The following CLASRP variants were observed in gnomAD, a reference collection of about 807,000 sequenced individuals.
The protein encoded by CLASRP is CLK4-associating serine/arginine rich protein.
In CLASRP, 52 loss-of-function variants were observed where a neutral mutation model predicts 99.9. The ratio of observed to expected loss-of-function variants is 0.52; its 90% CI spans 0.42 to 0.66. The LOEUF is 0.66. CLASRP is among the 30% of genes least tolerant of loss of function. The pLI, the probability that CLASRP is intolerant of heterozygous loss-of-function variation, is 0.00. For synonymous variants in CLASRP, 379 were observed against 373.0 expected, an observed-to-expected ratio of 1.02 and a Z score of -0.18; for missense variants, 848 against 999.2, an observed-to-expected ratio of 0.85 and a Z score of 2.04.
At chr19:45,063,945 T>C in intron 11 of CLASRP, 67 bp from the exon 12 acceptor site, 1 of 1,513,866 alleles carries the variant, frequency 6.6e-7, no homozygotes, top group Admixed American at 2.1e-5. Context: ...GTTGATCTGC[T>C]GTGTGTGCTG....
intron 1 of CLASRP, 169 bp from the exon 2 acceptor site, chr19:45,040,015 G>A: frequency 4.1e-6 from 2 of 485,692 alleles, no homozygotes; most frequent in Non-Finnish European, 7.6e-6. Flanking sequence ...AAGTTGTTAG[G>A]GATGGACTTG....
chr19:45,070,191 G>T, intron 19 of CLASRP, 87 bp downstream of exon 19: 2 of 884,474 alleles, frequency 2.3e-6, no homozygotes, highest in Non-Finnish European at 3.8e-6. Flanking sequence ...GTACAGCCGG[G>T]CGCGGTGGCT....
intron 2 of CLASRP, among the ~76,000 whole-genome samples, chr19:45,043,337 G>A (rs1028610550): frequency 3.9e-4 from 58 of 149,484 alleles, no homozygotes; most frequent in African/African-American, 1.2e-3. Context: ...GCATGAACCC[G>A]GGAGACAGAG....
At chr19:45,042,105 G>A (rs1971823811) in intron 2 of CLASRP, among the ~76,000 whole-genome samples, 1 of 152,192 alleles carries the variant, frequency 6.6e-6, no homozygotes, top group African/African-American at 2.4e-5. Flanking sequence ...CATTTTGGGG[G>A]CCAAGGCAGG....
In CLASRP at chr19:45,060,998, G is replaced by A. The variant is rs1392810022; in HGVS notation, c.863+371G>A. 6.6e-6 allele frequency among the ~76,000 whole-genome samples: 1 copy of A among 152,094 alleles called. No homozygotes were observed. The highest frequency in any genetic ancestry group is 2.4e-5 in the African/African-American group (1 of 41,400). Reference sequence around the variant, plus strand: ...TCGGAGTTTGGACAAGTGACTTCCCGAACTCTCTGAGCTTCAATTTTTTCC... The same window carrying A: ...TCGGAGTTTGGACAAGTGACTTCCCAAACTCTCTGAGCTTCAATTTTTTCC... On this transcript the variant is annotated intron_variant, in intron 10 of 20. Transcript: ENST00000221455. The surrounding 1 kb of genome is among the most constrained non-coding windows in gnomAD (Gnocchi z 4.6).
At chr19:45,041,030 G>C (rs1307777899) in intron 2 of CLASRP, among the ~76,000 whole-genome samples, 1 of 151,850 alleles carries the variant, frequency 6.6e-6, no homozygotes, top group South Asian at 2.1e-4. Context: ...AGACCGTCCT[G>C]GCTAACACGG....
At chr19:45,058,712 G>A (rs1205952397) in intron 7 of CLASRP, among the ~76,000 whole-genome samples, 1 of 151,922 alleles carries the variant, frequency 6.6e-6, no homozygotes, top group Non-Finnish European at 1.5e-5. Flanking sequence ...TTCACACTCT[G>A]TGGAGCCACA....
chr19:45,056,548 T>A lies in CLASRP; in HGVS notation c.464+14T>A. The A allele has an allele frequency of 1.2e-6, 2 of 1,611,474 alleles. No homozygotes were observed. The highest frequency in any genetic ancestry group is 1.7e-6 in the Non-Finnish European group (2 of 1,178,564). ...TGAGAAGAAGAAGTGAGTCGGGGTCTGGGGTGCAGGGGGTTGAGGAGGCAG... is the reference window on the plus strand; with the variant it reads ...TGAGAAGAAGAAGTGAGTCGGGGTCAGGGGTGCAGGGGGTTGAGGAGGCAG... On this transcript the variant is annotated intron_variant, in intron 6 of 20. Coordinates refer to ENST00000221455, the MANE Select transcript of CLASRP (RefSeq NM_007056.3).
chr19:45,060,197 A>G lies in CLASRP; in HGVS notation c.711-192A>G, dbSNP rs140190142. On this transcript the variant is annotated intron_variant, in intron 8 of 20. Transcript: ENST00000221455. This position sits in a 1 kb window ranked among gnomAD's most constrained non-coding sequence, Gnocchi z 4.6. ...GTGAGGATTTCTGTTTTTTTTTTTC[A>G]GTGCTCAGTTCTTGATACCTAAGAT... is the stretch of plus-strand genomic sequence containing the variant. Among the ~76,000 whole-genome samples, 54 of 150,904 alleles carry G rather than the reference A, an allele frequency of 3.6e-4. No individual in the cohort carries two copies. The highest frequency in any genetic ancestry group is 1.3e-3 in the African/African-American group (53 of 41,094).
At chr19:45,052,711 G>A in intron 3 of CLASRP, 80 bp from the exon 4 acceptor site, 1 of 1,044,634 alleles carries the variant, frequency 9.6e-7, no homozygotes, top group South Asian at 1.4e-5. Context: ...CTAAGCCTCA[G>A]CTGGCAGGGA....
At position 45,070,523 on chromosome 19, in the gene CLASRP, T is replaced by C; in HGVS notation, c.1958-14T>C. 1.2e-6 allele frequency: 2 copies of C among 1,613,806 alleles called. No individual in the cohort carries two copies. Among genetic ancestry groups the C allele is most frequent in the Non-Finnish European group, 1.7e-6 (2 of 1,179,686 alleles). Reference sequence around the variant, plus strand: ...GGATGTTTGCTCGCTCTTCACCTGTTGTTTTCTTTCCAGGTCGAGAATACA... The same window carrying C: ...GGATGTTTGCTCGCTCTTCACCTGTCGTTTTCTTTCCAGGTCGAGAATACA... On this transcript the variant is annotated splice_polypyrimidine_tract_variant and intron_variant, in intron 19 of 20. Coordinates refer to ENST00000221455, the MANE Select transcript of CLASRP (RefSeq NM_007056.3).
Position 45,068,028 on chromosome 19 carries a change from G to A in CLASRP, c.1681G>A (p.Ala561Thr), listed in dbSNP as rs779601483. 10 of 1,613,626 alleles carry A rather than the reference G, an allele frequency of 6.2e-6. No individual in the cohort carries two copies. The highest frequency in any genetic ancestry group is 1.1e-5 in the South Asian group (1 of 91,082). The change falls in exon 15 of 21, where the codon GCT becomes ACT. Residue 561 changes from alanine (A) to threonine (T), a missense_variant. Transcript: ENST00000221455. Reference sequence around the variant, plus strand: ...GCCCCCACCCAGGACCGAACCTGCCGCTGGTAAAGAGACAGGAGCTGCCAA... The same window carrying A: ...GCCCCCACCCAGGACCGAACCTGCCACTGGTAAAGAGACAGGAGCTGCCAA... The part of the protein sequence containing the change: ...GEKLKKTEPA[A>T]GKETGAAKPK...
chr19:45,069,242 G>A lies in CLASRP; in HGVS notation c.1868G>A (p.Arg623His). 1.2e-6 allele frequency: 2 copies of A among 1,613,364 alleles called. No individual in the cohort carries two copies. The highest frequency in any genetic ancestry group is 1.1e-5 in the South Asian group (1 of 91,052). ...CTTCGAGCCATGGCCCGCAAGATCC[G>A]CATGAAGTAAGACCTTGCCCCTCCC... is the stretch of plus-strand genomic sequence containing the variant. ...DELRAMARKI[R>H]MKERERREKE... The change falls in exon 18 of 21, where the codon CGC (arginine) becomes CAC (histidine). Residue 623 changes from arginine to histidine, a missense_variant. By Grantham distance (29) the Arg-to-His change is conservative. This residue lies in a region of CLASRP where 116 missense variants were observed against 162.7 expected (regional missense o/e 0.71). Coordinates refer to ENST00000221455, the MANE Select transcript of CLASRP (RefSeq NM_007056.3).
At chr19:45,062,518 C>T (rs1299904110) in intron 11 of CLASRP, among the ~76,000 whole-genome samples, 2 of 152,192 alleles carry the variant, frequency 1.3e-5, no homozygotes, top group Admixed American at 1.3e-4. Context: ...GCTGGGACTA[C>T]AGGTGCCCGC....
chr19:45,053,048 G>T (rs753379348), intron 4 of CLASRP, 50 bp from the exon 5 acceptor site: 16 of 1,604,828 alleles, frequency 1.0e-5, no homozygotes, highest in Admixed American at 1.7e-5. Flanking sequence ...CTGGCTTGGG[G>T]GGGGATCCAC....
intron 5 of CLASRP, among the ~76,000 whole-genome samples, chr19:45,054,431 G>C (rs555895471): frequency 7.2e-5 from 11 of 152,188 alleles, no homozygotes; most frequent in Non-Finnish European, 1.5e-4. Flanking sequence ...TGTAGTTTTA[G>C]TAGAGACGGG....
At chr19:45,048,022 C>T (rs1971953414) in intron 2 of CLASRP, among the ~76,000 whole-genome samples, 1 of 151,528 alleles carries the variant, frequency 6.6e-6, no homozygotes, top group Non-Finnish European at 1.5e-5. Context: ...TTGCAGTGAG[C>T]CGAGATCATG....
intron 10 of CLASRP, among the ~76,000 whole-genome samples, chr19:45,061,290 A>T (rs184070367): frequency 1.2e-4 from 18 of 152,224 alleles, no homozygotes; most frequent in African/African-American, 4.3e-4. Context: ...AATAGCACCA[A>T]TCGTCATTGC....
At chr19:45,052,987 C>G in intron 4 of CLASRP, 95 bp downstream of exon 4, 1 of 1,524,562 alleles carries the variant, frequency 6.6e-7, no homozygotes, top group Non-Finnish European at 9.0e-7. Context: ...AGGAGCCGTT[C>G]CTATTTGGTA....
Sources: allele counts gnomAD v4.1 joint callset (sites outside exome capture counted in the v4.1 genomes callset), GRCh38; gene constraint gnomAD v4.1.1; regional missense constraint gnomAD v4.1.1; non-coding constraint Gnocchi (gnomAD v3.1); transcripts MANE v1.5; gene names NCBI Gene and HGNC (gene_info 2026-07-23, HGNC 2026-07-21).